The following SCN2A variants were observed in gnomAD, a reference collection of about 807,000 sequenced individuals.
The protein encoded by SCN2A is sodium voltage-gated channel alpha subunit 2.
A neutral mutation model predicts 188.7 loss-of-function variants in SCN2A; 20 were observed. The ratio of observed to expected loss-of-function variants is 0.11; its 90% confidence interval spans 0.07 to 0.15. The LOEUF is 0.15. Ranked by LOEUF, SCN2A falls within the 10% of genes least tolerant of loss-of-function variation. The pLI is 1.00. For synonymous variants in SCN2A, 804 were observed against 833.1 expected (o/e 0.97, Z 0.60); for missense variants, 1,278 against 2,445.0 (o/e 0.52, Z 10.07).
chr2:165,378,539 G>A (rs1380051163), intron 23 of SCN2A, among the ~76,000 whole-genome samples: 2 of 151,650 alleles, frequency 1.3e-5, no homozygotes, highest in African/African-American at 2.4e-5. Context: ...TTATTGTATA[G>A]GTGATACTAG....
At chr2:165,332,840 G>A (rs563204085) in intron 14 of SCN2A, among the ~76,000 whole-genome samples, 2 of 151,994 alleles carry the variant, frequency 1.3e-5, no homozygotes, top group Non-Finnish European at 1.5e-5. Context: ...ACTAGTTCTA[G>A]GTTCTAACCT....
At chr2:165,346,169 A>T (rs1241674091) in intron 16 of SCN2A, among the ~76,000 whole-genome samples, 1 of 152,032 alleles carries the variant, frequency 6.6e-6, no homozygotes, top group Non-Finnish European at 1.5e-5. Context: ...ACCTTGGTGT[A>T]TCTGACAATT....
Position 165,365,156 on chromosome 2 carries a change from C to G in SCN2A, c.3413C>G (p.Thr1138Ser), listed in dbSNP as rs2105355734. ...MEESKEKLNATSSSEGSTVDI... is the reference protein window; with the variant it reads ...MEESKEKLNASSSSEGSTVDI... ...ATTGATTTTCAGAAGCTAAATGCAA[C>G]TAGTTCATCTGAAGGCAGCACGGTT... Residue 1138 changes from threonine (T) to serine (S), a missense_variant, in exon 18 of 27, where the codon ACT becomes AGT. Around this residue, in one of 17 missense-constraint regions of SCN2A, gnomAD observed 228 missense variants for 297.3 expected, o/e 0.77. Coordinates refer to ENST00000375437, the MANE Select transcript of SCN2A (RefSeq NM_001040142.2). The G allele has an allele frequency of 6.2e-7, 1 of 1,612,772 alleles. No individual in the cohort carries two copies. The highest frequency in any genetic ancestry group is 1.7e-4 in the Middle Eastern group (1 of 6,054).
chr2:165,314,586 T>C (rs1356059765), intron 10 of SCN2A, among the ~76,000 whole-genome samples: 2 of 152,198 alleles, frequency 1.3e-5, no homozygotes, highest in South Asian at 2.1e-4. Flanking sequence ...ATATTTGTTC[T>C]CTTTTATATA....
At chr2:165,278,128 G>A (rs1392926656) in intron 1 of SCN2A, among the ~76,000 whole-genome samples, 1 of 152,192 alleles carries the variant, frequency 6.6e-6, no homozygotes, top group Non-Finnish European at 1.5e-5. Flanking sequence ...TGAACTTCAG[G>A]TAGTGAAAAT....
At chr2:165,272,284 G>A (rs1194816525) in intron 1 of SCN2A, 3 of 151,678 alleles carry the variant, frequency 2.0e-5, no homozygotes, top group Admixed American at 2.0e-4. Context: ...ATTTTATTGG[G>A]GAAAAAAAGG....
At position 165,314,052 on chromosome 2, in the gene SCN2A, G is replaced by A; in HGVS notation, c.1327G>A (p.Glu443Lys). The change falls in exon 10 of 27, where the codon GAA becomes AAA. Residue 443 changes from glutamate (E) to lysine (K), a missense_variant. Transcript: ENST00000375437. ...QATLEEAEQKEAEFQQMLEQL... is the reference protein window; with the variant it reads ...QATLEEAEQKKAEFQQMLEQL... ...CACATTGGAAGAGGCTGAACAGAAGGAAGCTGAATTTCAGCAGATGCTCGA... is the reference window on the plus strand; with the variant it reads ...CACATTGGAAGAGGCTGAACAGAAGAAAGCTGAATTTCAGCAGATGCTCGA... The A allele has an allele frequency of 6.2e-7, 1 of 1,613,700 alleles. No individual in the cohort carries two copies. Among genetic ancestry groups the A allele is most frequent in the African/African-American group, 1.3e-5 (1 of 75,026 alleles).
intron 13 of SCN2A, chr2:165,327,198 G>A (rs961189848): frequency 1.9e-6 from 1 of 534,766 alleles, no homozygotes; most frequent in Non-Finnish European, 3.3e-6. Flanking sequence ...TGCTGCAAAT[G>A]TAAGGTATAT....
intron 10 of SCN2A, among the ~76,000 whole-genome samples, chr2:165,315,215 A>G (rs546177885): frequency 1.3e-5 from 2 of 152,278 alleles, no homozygotes; most frequent in Non-Finnish European, 2.9e-5. Context: ...TGCTCATATT[A>G]TTAGATAATT....
Position 165,383,874 on chromosome 2 carries a change from C to A in SCN2A, c.4551+2677C>A, listed in dbSNP as rs73025975. 8.5e-3 allele frequency among the ~76,000 whole-genome samples: 1,296 copies of A among 151,944 alleles called. 18 individuals are homozygous for A. Among genetic ancestry groups the A allele is most frequent in the African/African-American group, 0.028 (1,160 of 41,432 alleles). ...TGAGAAAATTGGAGATGCTAGTTTG[C>A]AGAATTTGGCAAACGAGTCAGAGTG... is the stretch of plus-strand genomic sequence containing the variant. On this transcript the variant is annotated intron_variant, in intron 25 of 26. Coordinates refer to ENST00000375437, the MANE Select transcript of SCN2A (RefSeq NM_001040142.2).
chr2:165,375,804 T>C (rs529911444), intron 22 of SCN2A, among the ~76,000 whole-genome samples: 14 of 151,898 alleles, frequency 9.2e-5, no homozygotes, highest in African/African-American at 3.4e-4. Context: ...TGTATATATA[T>C]GTGTGTGTAT....
rs572092286 is a variant in SCN2A at position 165,335,978 on chromosome 2, A to G, written c.2388+4410A>G. On this transcript the variant is annotated intron_variant, in intron 14 of 26. Transcript: ENST00000375437. Reference sequence around the variant, plus strand: ...GAAAAAGGAGTTAGACAAAAGGCCAATAAGCACATAAAAGATGGTCAGCGT... The same window carrying G: ...GAAAAAGGAGTTAGACAAAAGGCCAGTAAGCACATAAAAGATGGTCAGCGT... Among the ~76,000 whole-genome samples, 3 of 152,096 alleles carry G rather than the reference A, an allele frequency of 2.0e-5. No individual in the cohort carries two copies. In the East Asian group the frequency reaches 5.8e-4, roughly 29 times the overall value.
chr2:165,305,028 A>C (rs1411826456), intron 3 of SCN2A, among the ~76,000 whole-genome samples: 7 of 152,226 alleles, frequency 4.6e-5, no homozygotes, highest in South Asian at 2.1e-4. Context: ...ATGGACTATT[A>C]GATTTGATGC....
chr2:165,342,611 A>G (rs2105315193), intron 15 of SCN2A, 142 bp downstream of exon 15: 1 of 851,552 alleles, frequency 1.2e-6, no homozygotes, highest in South Asian at 1.4e-5. Context: ...CATACCACCA[A>G]ATGGTAGTTT....
At chr2:165,362,414 A>T (rs146731529) in intron 17 of SCN2A, among the ~76,000 whole-genome samples, 63 of 151,648 alleles carry the variant, frequency 4.2e-4, no homozygotes, top group African/African-American at 1.5e-3. Flanking sequence ...AAAAGCAATT[A>T]AAAAAAACAC....
At chr2:165,294,858 T>A (rs1696420025) in intron 1 of SCN2A, among the ~76,000 whole-genome samples, 1 of 152,202 alleles carries the variant, frequency 6.6e-6, no homozygotes, top group African/African-American at 2.4e-5. Context: ...AAGAGTTTGC[T>A]TGAAAAGATA....
chr2:165,323,151 C>A lies in SCN2A; in HGVS notation c.1672-5C>A. On this transcript the variant is annotated splice_polypyrimidine_tract_variant and splice_region_variant and intron_variant, in intron 11 of 26. Coordinates refer to ENST00000375437, the MANE Select transcript of SCN2A (RefSeq NM_001040142.2). ...CATTTTTGTTTCTTCTCTTGTTATT[C>A]ATAGTCCTTACTGAGCATCCGTGGC... The A allele has an allele frequency of 6.2e-7, 1 of 1,613,326 alleles. No homozygotes were observed. Among genetic ancestry groups the A allele is most frequent in the South Asian group, 1.1e-5 (1 of 91,010 alleles).
At chr2:165,382,368 C>A (rs188004474) in intron 25 of SCN2A, among the ~76,000 whole-genome samples, 56 of 152,062 alleles carry the variant, frequency 3.7e-4, no homozygotes, top group Admixed American at 3.5e-3. Flanking sequence ...TGGTGTGGAA[C>A]AATATTAGAG....
Position 165,258,702 on chromosome 2 carries a change from G to A in SCN2A, c.-52+19062G>A, listed in dbSNP as rs146419100. Among the ~76,000 whole-genome samples, 15 of 152,288 alleles carry A rather than the reference G, an allele frequency of 9.8e-5. No individual in the cohort carries two copies. In the East Asian group the frequency reaches 2.9e-3, roughly 29 times the overall value. On this transcript the variant is annotated intron_variant, in intron 1 of 26. Coordinates refer to ENST00000375437, the MANE Select transcript of SCN2A (RefSeq NM_001040142.2). Reference sequence around the variant, plus strand: ...TCAACCTAAATACTCATCAACAGTGGACTGGATAAAGAAGATGTGATACAT... The same window carrying A: ...TCAACCTAAATACTCATCAACAGTGAACTGGATAAAGAAGATGTGATACAT...
Sources: gnomAD v4.1 joint callset for allele counts (sites outside exome capture counted in the v4.1 genomes callset) on GRCh38, gnomAD v4.1.1 for gene constraint, gnomAD v4.1.1 regional missense constraint, MANE v1.5 for transcripts, NCBI Gene and HGNC (gene_info 2026-07-23, HGNC 2026-07-21) for gene names.